Variants in PKD1L1 observed in about 807,000 individuals in gnomAD.
PKD1L1 encodes the protein polycystin-1-like protein 1.
PKD1L1 carries 236 observed loss-of-function variants against 323.4 expected under a neutral mutation model. That is an observed-to-expected ratio of 0.73 (90% confidence interval 0.66 to 0.81). The LOEUF (loss-of-function observed/expected upper bound fraction) is 0.81, where lower values mean the gene tolerates loss of function less well. PKD1L1 is among the 40% of genes least tolerant of loss of function. The pLI, the probability that PKD1L1 is intolerant of heterozygous loss-of-function variation, is 0.00. For missense variants in PKD1L1, 3,320 were observed against 3,508.0 expected, an observed-to-expected ratio of 0.95 and a Z score of 1.35; for synonymous variants, 1,344 against 1,335.0, an observed-to-expected ratio of 1.01 and a Z score of -0.15.
chr7:47,808,130 T>C (rs1284516098), intron 52 of PKD1L1, 117 bp downstream of exon 52: 10 of 1,307,300 alleles, frequency 7.6e-6, no homozygotes, highest in Non-Finnish European at 1.1e-5. Context: ...GAGCATCATC[T>C]CTCGATATCA....
intron 33 of PKD1L1, among the ~76,000 whole-genome samples, chr7:47,843,862 G>A (rs575529441): frequency 9.2e-5 from 14 of 152,228 alleles, no homozygotes; most frequent in African/African-American, 1.4e-4. Context: ...GATGTTGCCC[G>A]CCCCATCCCC....
chr7:47,957,862 A>AT, the PKD1L1 span, among the ~76,000 whole-genome samples: 254 of 134,686 alleles, frequency 1.9e-3, 5 homozygotes, highest in African/African-American at 4.0e-3. Flanking sequence ...ATTAAAAAAA[A>AT]ATATATATAT....
intron 12 of PKD1L1, 147 bp downstream of exon 12, chr7:47,904,231 G>T: frequency 9.1e-7 from 1 of 1,096,494 alleles, no homozygotes; most frequent in South Asian, 1.6e-5. Flanking sequence ...GAGAAGCATG[G>T]TCAGGTCTTA....
At chr7:47,809,784 C>CA in intron 50 of PKD1L1, 1 of 416,452 alleles carries the variant, frequency 2.4e-6, no homozygotes, top group Non-Finnish European at 4.3e-6. Context: ...GTCAAGCACT[C>CA]ACAGAAACTC....
chr7:47,783,293 T>C (rs1484610790), intron 56 of PKD1L1, among the ~76,000 whole-genome samples: 1 of 151,914 alleles, frequency 6.6e-6, no homozygotes, highest in Non-Finnish European at 1.5e-5. Flanking sequence ...TGTACTAACA[T>C]ACAAACATCA....
At chr7:47,897,422 GCTGTTGC>G (rs1265024180) in intron 14 of PKD1L1, among the ~76,000 whole-genome samples, 1 of 152,214 alleles carries the variant, frequency 6.6e-6, no homozygotes, top group Admixed American at 6.5e-5. Context: ...CCTTTGCCAA[GCTGTTGC>G]CCCTCCCAAT....
At chr7:47,806,894 C>T (rs1034225638) in intron 52 of PKD1L1, among the ~76,000 whole-genome samples, 2 of 152,166 alleles carry the variant, frequency 1.3e-5, no homozygotes, top group Admixed American at 6.5e-5. Context: ...ATGTTATGTT[C>T]CCCCAGCTTA....
At chr7:47,859,698 C>A (rs929925664) in intron 26 of PKD1L1, among the ~76,000 whole-genome samples, 4 of 149,368 alleles carry the variant, frequency 2.7e-5, no homozygotes, top group African/African-American at 4.9e-5. Context: ...ACAATCTTGG[C>A]TCACTGCATC....
chr7:47,838,836 C>T (rs1785508221), intron 36 of PKD1L1, among the ~76,000 whole-genome samples: 1 of 145,066 alleles, frequency 6.9e-6, no homozygotes, highest in South Asian at 2.2e-4. Flanking sequence ...CGAGATCGTG[C>T]CACTGCACTC....
At chr7:47,786,724 G>C (rs1457915655) in intron 56 of PKD1L1, among the ~76,000 whole-genome samples, 2 of 152,230 alleles carry the variant, frequency 1.3e-5, no homozygotes, top group Non-Finnish European at 2.9e-5. Flanking sequence ...GGCCTAGCCA[G>C]CTCCTGCAAA....
intron 34 of PKD1L1, among the ~76,000 whole-genome samples, chr7:47,842,686 C>G (rs1323307607): frequency 6.6e-6 from 1 of 152,166 alleles, no homozygotes; most frequent in East Asian, 1.9e-4. Flanking sequence ...AAGATCCACT[C>G]AGAGACAGAA....
Position 47,811,853 on chromosome 7 carries a change from G to A in PKD1L1, c.7545C>T (p.Ser2515=), listed in dbSNP as rs200401472. ...TGAGGTGGTACTGCAGGGCTGAGTCGCTGCGGAAGATGCTGAATGACTCCA... is the reference window on the plus strand; with the variant it reads ...TGAGGTGGTACTGCAGGGCTGAGTCACTGCGGAAGATGCTGAATGACTCCA... ...SLVESFSIFR[S]DSALQYHLML... The change falls in exon 50 of 57, where the codon AGC becomes AGT. Residue 2515 remains serine (S), a synonymous_variant. Transcript: ENST00000289672. The A allele has an allele frequency of 1.2e-5, 20 of 1,609,470 alleles. No individual in the cohort carries two copies. Among genetic ancestry groups the A allele is most frequent in the Admixed American group, 1.0e-4 (6 of 59,602 alleles).
rs1787724940 is a variant in PKD1L1, at chr7:47,929,545, G to A, written c.738-19C>T. Reference sequence around the variant, plus strand: ...GTGGGAGCTGTGGGAGAGAGGGAGAGGCTTCAGATTTCATGACAGTGGACC... The same window carrying A: ...GTGGGAGCTGTGGGAGAGAGGGAGAAGCTTCAGATTTCATGACAGTGGACC... On this transcript the variant is annotated intron_variant, in intron 6 of 56. Transcript: ENST00000289672. 3 of 1,594,960 alleles carry A rather than the reference G, an allele frequency of 1.9e-6. No homozygotes were observed. In the East Asian group the frequency reaches 6.7e-5, roughly 36 times the overall value.
the PKD1L1 span, among the ~76,000 whole-genome samples, chr7:47,959,011 ACGGGGTTTCG>A: frequency 1.3e-5 from 2 of 152,138 alleles, no homozygotes; most frequent in Admixed American, 1.3e-4. Context: ...TTTGGTGGAG[ACGGGGTTTCG>A]CTGTGTTGGC....
At chr7:47,849,865 T>C (rs948807912) in intron 31 of PKD1L1, among the ~76,000 whole-genome samples, 2 of 152,198 alleles carry the variant, frequency 1.3e-5, no homozygotes, top group Admixed American at 1.3e-4. Context: ...TAATGGCATT[T>C]GCAGCAACCT....
rs1787046492 is a variant in PKD1L1, at chr7:47,899,925, C to CGG, written c.2065-1732_2065-1731insCC. Among the ~76,000 whole-genome samples, 4 of 136,380 alleles carry CGG rather than the reference C, an allele frequency of 2.9e-5. No individual in the cohort carries two copies. In the South Asian group the frequency reaches 8.9e-4, roughly 30 times the overall value. 89.5% of individuals were successfully genotyped at this position (136,380 alleles called of 152,430 possible). On this transcript the variant is annotated intron_variant, in intron 13 of 56. Transcript: ENST00000289672. ...GAGCCCAGATTGCACCACTGCACTC[C>CGG]CTCCTAGGCAACAGAGCGAGACTCC...
chr7:47,842,144 T>G (rs1252373076), intron 34 of PKD1L1, among the ~76,000 whole-genome samples: 1 of 152,234 alleles, frequency 6.6e-6, no homozygotes, highest in Non-Finnish European at 1.5e-5. Flanking sequence ...GTTAAGAACA[T>G]TCCTATGTGT....
the PKD1L1 span, among the ~76,000 whole-genome samples, chr7:47,958,493 G>A: frequency 6.6e-6 from 1 of 152,108 alleles, no homozygotes; most frequent in Non-Finnish European, 1.5e-5. Context: ...ACTGCTAGAG[G>A]AAACACAGGA....
In PKD1L1 at chr7:47,831,313, G is replaced by T; in HGVS notation, c.6377C>A (p.Ser2126Ter). 6.2e-7 allele frequency: 1 copy of T among 1,614,138 alleles called. No homozygotes were observed. Among genetic ancestry groups the T allele is most frequent in the Non-Finnish European group, 8.5e-7 (1 of 1,180,010 alleles). Residue 2126 changes from serine (S) to a stop codon, truncating the protein, a stop_gained, in exon 42 of 57, where the codon TCA (serine) becomes TAA (stop). Coordinates refer to ENST00000289672, the MANE Select transcript of PKD1L1 (RefSeq NM_138295.5). LOFTEE classifies it high-confidence loss of function. ...GCTCCACCAAGGCTGAAGGGCCCTTGACCACTGGGGCATTAGTCCCTCCAA... is the reference window on the plus strand; with the variant it reads ...GCTCCACCAAGGCTGAAGGGCCCTTTACCACTGGGGCATTAGTCCCTCCAA... Reference protein sequence around the residue: ...SGLEGLMPQWSRALQPWWSSA... With the variant: ...SGLEGLMPQW
Sources: allele counts gnomAD v4.1 joint callset (sites outside exome capture counted in the v4.1 genomes callset), GRCh38; gene constraint gnomAD v4.1.1; transcripts MANE v1.5; gene names NCBI Gene and HGNC (gene_info 2026-07-23, HGNC 2026-07-21).